PALM2AKAP2: variants seen among roughly 807,000 people sequenced by gnomAD.
PALM2AKAP2 encodes PALM2-AKAP2 fusion protein.
PALM2AKAP2 carries 37 observed loss-of-function variants against 71.5 expected under a neutral mutation model. That is an observed-to-expected ratio of 0.52 (90% CI 0.40 to 0.68). PALM2AKAP2 has a LOEUF of 0.68. PALM2AKAP2 is among the 30% of genes least tolerant of loss of function. PALM2AKAP2 has a pLI of 0.00. For synonymous variants in PALM2AKAP2, 468 were observed against 478.8 expected (o/e 0.98, Z 0.29); for missense variants, 1,224 against 1,191.8 (o/e 1.03, Z -0.40).
chr9:109,997,750 A>C (rs1419104926), intron 6 of PALM2AKAP2, among the ~76,000 whole-genome samples: 1 of 151,652 alleles, frequency 6.6e-6, no homozygotes, highest in Non-Finnish European at 1.5e-5. Context: ...AGCTATCCTA[A>C]GGAAGAGAAA....
exon 4 of PALM2AKAP2, chr9:110,168,529 C>G: frequency 6.2e-7 from 1 of 1,601,556 alleles, no homozygotes; most frequent in Non-Finnish European, 8.5e-7. Context: ...GTCTTTGGTG[C>G]TTGGGAGACC....
chr9:110,051,317 C>T (rs777817756), intron 1 of PALM2AKAP2, among the ~76,000 whole-genome samples: 6 of 152,172 alleles, frequency 3.9e-5, no homozygotes, highest in African/African-American at 7.2e-5. Context: ...GTCTTAACTT[C>T]GTTGTCAAAT....
intron 1 of PALM2AKAP2, among the ~76,000 whole-genome samples, chr9:109,667,527 C>T (rs368161968): frequency 1.1e-3 from 162 of 152,328 alleles, no homozygotes; most frequent in African/African-American, 3.5e-3. Flanking sequence ...TGGTGGCTCA[C>T]GCCTGTAATC....
At chr9:109,865,064 C>T (rs1181995645) in intron 1 of PALM2AKAP2, among the ~76,000 whole-genome samples, 17 of 142,638 alleles carry the variant, frequency 1.2e-4, no homozygotes, top group Admixed American at 7.2e-4. Context: ...GAATGTATTG[C>T]CCATTTGTAT....
chr9:109,641,588 C>T (rs1315825084), intron 1 of PALM2AKAP2, among the ~76,000 whole-genome samples: 1 of 152,146 alleles, frequency 6.6e-6, no homozygotes, highest in East Asian at 1.9e-4. Context: ...GTGTTTGCAT[C>T]CCTACATTGC....
At chr9:110,069,599 C>T (rs1186133928) in intron 1 of PALM2AKAP2, among the ~76,000 whole-genome samples, 1 of 152,116 alleles carries the variant, frequency 6.6e-6, no homozygotes, top group Non-Finnish European at 1.5e-5. Context: ...TCTTGTGGGC[C>T]TCTGTCAGCT....
chr9:109,771,080 A>T (rs1829253590), intron 1 of PALM2AKAP2, among the ~76,000 whole-genome samples: 1 of 152,222 alleles, frequency 6.6e-6, no homozygotes, highest in Non-Finnish European at 1.5e-5. Flanking sequence ...GCAAACAATG[A>T]TCATGGTGGC....
chr9:109,806,435 GTC>G (rs748448828), intron 1 of PALM2AKAP2, among the ~76,000 whole-genome samples: 16 of 152,212 alleles, frequency 1.1e-4, no homozygotes, highest in Non-Finnish European at 2.1e-4. Context: ...ATACAAGACA[GTC>G]TCTGCCCTCA....
Position 109,931,847 on chromosome 9 carries a change from G to C in PALM2AKAP2, c.395-80G>C, listed in dbSNP as rs1588017363. On this transcript the variant is annotated intron_variant, in intron 5 of 9. Coordinates refer to the PALM2AKAP2 transcript ENST00000302798. Reference sequence around the variant, plus strand: ...CCTCAGCGGTCCATTATGTAGGGCAGACAAGCTGCTGTCTCGGCAGTGAAC... The same window carrying C: ...CCTCAGCGGTCCATTATGTAGGGCACACAAGCTGCTGTCTCGGCAGTGAAC... 4.3e-5 allele frequency: 64 copies of C among 1,503,130 alleles called. No individual in the cohort carries two copies. The East Asian group carries it at 1.4e-3, about 33-fold the overall frequency. 93.1% of individuals were successfully genotyped at this position (1,503,130 alleles called of 1,614,324 possible).
chr9:109,974,387 G>A (rs1285374094), intron 6 of PALM2AKAP2, among the ~76,000 whole-genome samples: 1 of 152,034 alleles, frequency 6.6e-6, no homozygotes, highest in Non-Finnish European at 1.5e-5. Flanking sequence ...CTGACCCAAA[G>A]CCCTTTTCAG....
chr9:110,146,166 G>A (rs1466178570), intron 2 of PALM2AKAP2, among the ~76,000 whole-genome samples: 2 of 151,994 alleles, frequency 1.3e-5, no homozygotes, highest in Admixed American at 6.5e-5. Context: ...CCAAAGTGCT[G>A]GGATTTGGGA....
chr9:110,102,866 C>T lies in PALM2AKAP2; in HGVS notation c.157-33261C>T, dbSNP rs185313734. ...GAGCCCCTTACCCCATCCTAGCCACCGAAGCCAGTGATGCCACATCCCAGC... is the reference window on the plus strand; with the variant it reads ...GAGCCCCTTACCCCATCCTAGCCACTGAAGCCAGTGATGCCACATCCCAGC... On this transcript the variant is annotated intron_variant, in intron 1 of 3. Transcript: ENST00000374525. Among the ~76,000 whole-genome samples, 781 of 152,160 alleles carry T rather than the reference C, an allele frequency of 5.1e-3. 12 individuals are homozygous for T. Among genetic ancestry groups the T allele is most frequent in the African/African-American group, 0.018 (731 of 41,484 alleles).
chr9:109,980,400 G>C (rs868384884), intron 6 of PALM2AKAP2, among the ~76,000 whole-genome samples: 16 of 152,168 alleles, frequency 1.1e-4, no homozygotes, highest in Admixed American at 7.2e-4. Context: ...AAGCAAATGG[G>C]AGGGCCAAGT....
intron 2 of PALM2AKAP2, among the ~76,000 whole-genome samples, chr9:110,146,056 G>A (rs1836161893): frequency 6.6e-6 from 1 of 151,698 alleles, no homozygotes; most frequent in South Asian, 2.1e-4. Flanking sequence ...CCACCACCGC[G>A]TCCAGCTAAT....
At chr9:110,110,800 G>A (rs779398002) in intron 1 of PALM2AKAP2, among the ~76,000 whole-genome samples, 16 of 151,958 alleles carry the variant, frequency 1.1e-4, no homozygotes, top group African/African-American at 3.9e-4. Flanking sequence ...ACCTGCCCCA[G>A]CCTCCCAAAG....
intron 3 of PALM2AKAP2, among the ~76,000 whole-genome samples, chr9:109,918,090 G>A (rs553092343): frequency 1.3e-5 from 2 of 152,286 alleles, no homozygotes; most frequent in East Asian, 3.9e-4. Context: ...GGTTTGTATT[G>A]TAATTTATGT....
chr9:109,815,775 G>A (rs1480998885), intron 1 of PALM2AKAP2, among the ~76,000 whole-genome samples: 2 of 152,334 alleles, frequency 1.3e-5, no homozygotes, highest in South Asian at 4.1e-4. Flanking sequence ...CCTAAGTGGT[G>A]TGGCTGTGAA....
intron 1 of PALM2AKAP2, among the ~76,000 whole-genome samples, chr9:109,669,287 A>T (rs548160432): frequency 1.3e-5 from 2 of 151,588 alleles, no homozygotes; most frequent in Non-Finnish European, 2.9e-5. Context: ...CAATGAATAC[A>T]TGTTACATTT....
chr9:110,005,069 T>TGAG (rs574825903), intron 6 of PALM2AKAP2, among the ~76,000 whole-genome samples: 2,811 of 152,242 alleles, frequency 0.018, 96 homozygotes, highest in African/African-American at 0.064. Context: ...CCATTGCTGG[T>TGAG]GAGCTGCATT....
Sources: gnomAD v4.1 joint callset for allele counts (sites outside exome capture counted in the v4.1 genomes callset) on GRCh38, gnomAD v4.1.1 for gene constraint, MANE v1.5 for transcripts, NCBI Gene and HGNC (gene_info 2026-07-23, HGNC 2026-07-21) for gene names.